The following ZNF536 variants were observed in gnomAD, a reference collection of about 807,000 sequenced individuals.
ZNF536 encodes the protein zinc finger protein 536.
A neutral mutation model predicts 84.5 loss-of-function variants in ZNF536; 13 were observed. The ratio of observed to expected loss-of-function variants is 0.15; its 90% confidence interval spans 0.10 to 0.24. The LOEUF (loss-of-function observed/expected upper bound fraction) is 0.24. ZNF536 is among the 10% of genes least tolerant of loss of function. The pLI is 1.00. For missense variants in ZNF536, 1,536 were observed against 1,747.5 expected (o/e 0.88, Z 2.16); for synonymous variants, 811 against 742.5 (o/e 1.09, Z -1.50).
chr19:30,233,517 A>ATT (rs755958829), intron 1 of ZNF536, among the ~76,000 whole-genome samples: 3 of 142,324 alleles, frequency 2.1e-5, no homozygotes, highest in African/African-American at 7.7e-5. Context: ...AGTTTTTAAC[A>ATT]TTTTTTTTTT....
intron 1 of ZNF536, among the ~76,000 whole-genome samples, chr19:30,257,023 T>A (rs1326936694): frequency 1.3e-5 from 2 of 152,226 alleles, no homozygotes; most frequent in African/African-American, 4.8e-5. Context: ...CAATTAGCTT[T>A]GAAATGTTCG....
At chr19:30,360,266 G>A (rs1359089730) in intron 3 of ZNF536, among the ~76,000 whole-genome samples, 1 of 152,196 alleles carries the variant, frequency 6.6e-6, no homozygotes, top group Admixed American at 6.5e-5. Context: ...CTTGATTTCT[G>A]TACTCTCCCT....
chr19:30,322,198 A>G (rs1458293999), intron 2 of ZNF536, among the ~76,000 whole-genome samples: 1 of 152,210 alleles, frequency 6.6e-6, no homozygotes, highest in African/African-American at 2.4e-5. Context: ...TGAGTTTGGG[A>G]CCATCATTTG....
chr19:30,557,575 G>A lies in ZNF536; in HGVS notation c.*411G>A, dbSNP rs112275635. The A allele has an allele frequency of 4.8e-5, 8 of 166,352 alleles. No individual in the cohort carries two copies. The highest frequency in any genetic ancestry group is 3.3e-4 in the East Asian group (2 of 6,090). 10.3% of individuals were successfully genotyped at this position (166,352 alleles called of 1,614,324 possible). A position where few individuals can be genotyped will look rare whatever the true frequency, so the allele number is the denominator to read the frequency against. On this transcript the variant is annotated 3_prime_UTR_variant, in exon 5 of 5. Transcript: ENST00000355537. Reference sequence around the variant, plus strand: ...TAGAGGTGGGTCCTGCAGTGGTCTCGTGGGTATTACTGCTTGTGTCTGATT... The same window carrying A: ...TAGAGGTGGGTCCTGCAGTGGTCTCATGGGTATTACTGCTTGTGTCTGATT...
intron 1 of ZNF536, among the ~76,000 whole-genome samples, chr19:30,709,074 A>C (rs1430922504): frequency 1.3e-5 from 2 of 152,156 alleles, no homozygotes; most frequent in Non-Finnish European, 2.9e-5. Flanking sequence ...TTGCTTCAGA[A>C]TAACTTCCCC....
chr19:30,618,266 C>T (rs1023157896), intron 1 of ZNF536, among the ~76,000 whole-genome samples: 4 of 152,150 alleles, frequency 2.6e-5, no homozygotes, highest in African/African-American at 9.7e-5. Flanking sequence ...TAAACACCTG[C>T]CTTAAATTTA....
rs569759425 is a variant in ZNF536 at position 30,419,755 on chromosome 19, G to C, written c.-2-23806G>C. ...GGCAGCACGCTCCGTCTCCTGATGT[G>C]CTCACATCTGGGGAGGCTTTGGCGT... On this transcript the variant is annotated intron_variant, in intron 1 of 4. Transcript: ENST00000355537. 2.0e-5 allele frequency among the ~76,000 whole-genome samples: 3 copies of C among 152,334 alleles called. No homozygotes were observed. In the East Asian group the frequency reaches 5.8e-4, roughly 29 times the overall value.
intron 1 of ZNF536, among the ~76,000 whole-genome samples, chr19:30,637,207 C>T (rs772015524): frequency 5.3e-5 from 8 of 152,212 alleles, no homozygotes; most frequent in Non-Finnish European, 1.0e-4. Context: ...TGTCTTCCAG[C>T]AAACTGAAAC....
chr19:30,544,226 T>TA (rs964360949), intron 3 of ZNF536, among the ~76,000 whole-genome samples: 2 of 151,910 alleles, frequency 1.3e-5, no homozygotes, highest in Non-Finnish European at 2.9e-5. Flanking sequence ...GGTGGAACTG[T>TA]ATAGAGAAAT....
At chr19:30,294,549 A>G (rs1423439401) in intron 2 of ZNF536, among the ~76,000 whole-genome samples, 10 of 145,504 alleles carry the variant, frequency 6.9e-5, no homozygotes, top group South Asian at 2.3e-4. Context: ...AGGCCCCAAT[A>G]TGTGTGTGTG....
chr19:30,527,835 G>A (rs1188544695), intron 2 of ZNF536, among the ~76,000 whole-genome samples: 1 of 152,098 alleles, frequency 6.6e-6, no homozygotes, highest in Non-Finnish European at 1.5e-5. Flanking sequence ...CCAAGGTGTC[G>A]GTATTATCTT....
At chr19:30,376,619 G>A (rs914830730) in intron 1 of ZNF536, among the ~76,000 whole-genome samples, 6 of 152,198 alleles carry the variant, frequency 3.9e-5, no homozygotes, top group African/African-American at 7.2e-5. Flanking sequence ...GTGGGAGTGA[G>A]CTGTGGTGGG....
At chr19:30,662,275 T>G (rs2050147605) in intron 1 of ZNF536, among the ~76,000 whole-genome samples, 1 of 152,240 alleles carries the variant, frequency 6.6e-6, no homozygotes, top group Non-Finnish European at 1.5e-5. Flanking sequence ...TTGACCTCCT[T>G]AATGCAGGAG....
chr19:30,390,767 G>A (rs570673586), intron 1 of ZNF536, among the ~76,000 whole-genome samples: 5 of 152,316 alleles, frequency 3.3e-5, no homozygotes, highest in African/African-American at 1.2e-4. Flanking sequence ...CTAATCAAGT[G>A]ACTGGGAGGC....
At chr19:30,545,549 C>T (rs574952551) in intron 3 of ZNF536, among the ~76,000 whole-genome samples, 2 of 151,998 alleles carry the variant, frequency 1.3e-5, no homozygotes, top group South Asian at 2.1e-4. Flanking sequence ...AGGCACCCAC[C>T]ACCACGCCCG....
At position 30,572,618 on chromosome 19, in the gene ZNF536, C is replaced by A. The variant is rs930767156; in HGVS notation, c.169+23104C>A. Among the ~76,000 whole-genome samples the A allele has an allele frequency of 7.9e-5, 12 of 152,304 alleles. 1 individual carries two copies. In the South Asian group the frequency reaches 2.3e-3, roughly 29 times the overall value. ...TAGCACATGTGGCATTCTTGCACAG[C>A]GTTGGCAGATGGTCGCCAACAGAGT... On this transcript the variant is annotated intron_variant, in intron 1 of 1. Coordinates refer to the ZNF536 transcript ENST00000592773.
At chr19:30,645,085 T>C (rs766445547) in intron 1 of ZNF536, among the ~76,000 whole-genome samples, 11 of 152,346 alleles carry the variant, frequency 7.2e-5, no homozygotes, top group Non-Finnish European at 1.2e-4. Flanking sequence ...TGGTATCTCA[T>C]TGTGGTTTTG....
intron 1 of ZNF536, among the ~76,000 whole-genome samples, chr19:30,664,204 TTC>T (rs71173915): frequency 0.015 from 1,389 of 90,506 alleles, 15 homozygotes; most frequent in Middle Eastern, 0.026. Context: ...TTGCTGAGTT[TTC>T]TCTCTCTCTC....
chr19:30,264,962 T>TGAGAGA (rs1416736166), intron 1 of ZNF536, among the ~76,000 whole-genome samples: 22 of 83,570 alleles, frequency 2.6e-4, no homozygotes, highest in African/African-American at 1.5e-3. Flanking sequence ...TGTGTGTGTG[T>TGAGAGA]GTGTGAGAGA....
Sources: allele counts gnomAD v4.1 joint callset (sites outside exome capture counted in the v4.1 genomes callset), GRCh38; gene constraint gnomAD v4.1.1; transcripts MANE v1.5; gene names NCBI Gene and HGNC (gene_info 2026-07-23, HGNC 2026-07-21).